Variants in LRRC4C observed in about 807,000 individuals in gnomAD.
The protein encoded by LRRC4C is leucine rich repeat containing 4C.
Under a neutral mutation model 33.6 loss-of-function variants are expected in LRRC4C, and 5 were observed. The ratio of observed to expected loss-of-function variants is 0.15; its 90% CI spans 0.08 to 0.31. The LOEUF (loss-of-function observed/expected upper bound fraction) is 0.31, where lower values mean the gene tolerates loss of function less well. Among genes scored for constraint, LRRC4C ranks in the 10% least tolerant of loss-of-function variants. The pLI is 1.00. For synonymous variants in LRRC4C, 329 were observed against 302.0 expected, an observed-to-expected ratio of 1.09 and a Z score of -0.93; for missense variants, 560 against 796.7, an observed-to-expected ratio of 0.70 and a Z score of 3.58.
At chr11:40,769,155 AC>A (rs1206581199) in intron 2 of LRRC4C, among the ~76,000 whole-genome samples, 1 of 149,558 alleles carries the variant, frequency 6.7e-6, no homozygotes, top group African/African-American at 2.4e-5. Context: ...AAATCAACAT[AC>A]AAAGTGAGTA....
chr11:40,400,876 C>T (rs1238484780), intron 3 of LRRC4C, among the ~76,000 whole-genome samples: 1 of 152,044 alleles, frequency 6.6e-6, no homozygotes, highest in Non-Finnish European at 1.5e-5. Context: ...TTTCTCTATC[C>T]CACACTATAT....
At chr11:40,996,867 A>C (rs1228468917) in intron 1 of LRRC4C, among the ~76,000 whole-genome samples, 3 of 152,112 alleles carry the variant, frequency 2.0e-5, no homozygotes, top group African/African-American at 7.2e-5. Context: ...TGAGTACAGC[A>C]CCAAACTATT....
intron 3 of LRRC4C, among the ~76,000 whole-genome samples, chr11:40,412,034 CT>C (rs1325359074): frequency 1.3e-5 from 2 of 151,742 alleles, no homozygotes; most frequent in African/African-American, 4.8e-5. Context: ...TAACATACAG[CT>C]TTTTTTGGGG....
At chr11:41,304,089 T>G (rs1277680095) in intron 1 of LRRC4C, among the ~76,000 whole-genome samples, 17 of 48,394 alleles carry the variant, frequency 3.5e-4, no homozygotes, top group Admixed American at 6.2e-4. Context: ...GTCCGGGAGG[T>G]GAGGGGCGCC....
intron 1 of LRRC4C, among the ~76,000 whole-genome samples, chr11:41,091,804 G>A (rs571080895): frequency 9.2e-5 from 14 of 152,236 alleles, no homozygotes; most frequent in African/African-American, 3.1e-4. Context: ...TGGCTGGCGT[G>A]TAATTTAAGT....
rs77683172 is a variant in LRRC4C at position 40,495,813 on chromosome 11, G to GTTTTTTTTTTTTTTTTTT, written c.-270+152311_-270+152328dup. 4.0e-4 allele frequency among the ~76,000 whole-genome samples: 27 copies of GTTTTTTTTTTTTTTTTTT among 67,012 alleles called. 7 individuals carry two copies. Among genetic ancestry groups the GTTTTTTTTTTTTTTTTTT allele is most frequent in the African/African-American group, 9.5e-4 (15 of 15,812 alleles). The allele number at this position is 67,012 out of a possible 152,430, so 44.0% of individuals were successfully genotyped here. A position where few individuals can be genotyped will look rare whatever the true frequency, so the allele number is the denominator to read the frequency against. ...TTTTATTGAAGTTCTCAATAAACAT[G>GTTTTTTTTTTTTTTTTTT]TTTTTTTTTTTTTTTTTTTTTTTTT... On this transcript the variant is annotated intron_variant, in intron 3 of 6. Transcript: ENST00000528697.
At chr11:41,373,936 A>C (rs573073983) in intron 1 of LRRC4C, among the ~76,000 whole-genome samples, 1 of 152,344 alleles carries the variant, frequency 6.6e-6, no homozygotes, top group Non-Finnish European at 1.5e-5. Context: ...TTGTTTAAAA[A>C]ATAAAGTTGG....
chr11:41,304,131 A>G (rs1418289377), intron 1 of LRRC4C, among the ~76,000 whole-genome samples: 1 of 74,800 alleles, frequency 1.3e-5, no homozygotes, highest in Non-Finnish European at 3.3e-5. Flanking sequence ...GGAAGTGAGG[A>G]GCCCCTCAGC....
intron 2 of LRRC4C, among the ~76,000 whole-genome samples, chr11:40,840,057 T>C (rs1388870464): frequency 6.6e-6 from 1 of 152,166 alleles, no homozygotes; most frequent in Non-Finnish European, 1.5e-5. Flanking sequence ...AGAAACTAAC[T>C]TGAATTTCCA....
intron 1 of LRRC4C, among the ~76,000 whole-genome samples, chr11:41,098,334 T>C (rs183309143): frequency 9.9e-5 from 15 of 152,264 alleles, no homozygotes; most frequent in Admixed American, 2.0e-4. Flanking sequence ...AGATATCTCA[T>C]ATCCCTCCAG....
rs1373885046 is a variant in LRRC4C at position 40,535,759 on chromosome 11, T to A, written c.-270+112383A>T. ...CAGACATGTGAAGAAGGTTAAAACA[T>A]AGTTCTCCTTAGTATAAATGATAAG... On this transcript the variant is annotated intron_variant, in intron 3 of 6. Transcript: ENST00000528697. Among the ~76,000 whole-genome samples the A allele has an allele frequency of 4.6e-5, 7 of 152,204 alleles. No homozygotes were observed. The East Asian group carries it at 7.7e-4, about 17-fold the overall frequency.
At chr11:40,251,963 A>T (rs548687394) in intron 4 of LRRC4C, among the ~76,000 whole-genome samples, 1 of 152,312 alleles carries the variant, frequency 6.6e-6, no homozygotes, top group South Asian at 2.1e-4. Context: ...AGCTGCATGC[A>T]TTTGGATTCT....
At chr11:41,226,543 T>A (rs562718259) in intron 1 of LRRC4C, among the ~76,000 whole-genome samples, 1 of 152,082 alleles carries the variant, frequency 6.6e-6, no homozygotes, top group African/African-American at 2.4e-5. Context: ...GTACTCAGAG[T>A]TCAACTTCTT....
At chr11:41,225,783 G>A (rs1239299426) in intron 1 of LRRC4C, among the ~76,000 whole-genome samples, 1 of 152,058 alleles carries the variant, frequency 6.6e-6, no homozygotes, top group Non-Finnish European at 1.5e-5. Context: ...AAACTTTTCT[G>A]TGTCTTAAGC....
At chr11:40,503,582 A>T (rs72899041) in intron 3 of LRRC4C, among the ~76,000 whole-genome samples, 1 of 152,188 alleles carries the variant, frequency 6.6e-6, no homozygotes, top group African/African-American at 2.4e-5. Context: ...CTTTCAATCT[A>T]TTTAAAGCTT....
chr11:40,567,625 C>T (rs140254767), intron 3 of LRRC4C, among the ~76,000 whole-genome samples: 3 of 152,202 alleles, frequency 2.0e-5, no homozygotes, highest in East Asian at 3.9e-4. Context: ...CTCTCCAGTC[C>T]CATGACTCTG....
intron 2 of LRRC4C, among the ~76,000 whole-genome samples, chr11:40,748,976 T>C (rs1413479737): frequency 1.3e-5 from 2 of 152,074 alleles, no homozygotes; most frequent in Non-Finnish European, 2.9e-5. Flanking sequence ...AGCACCCAGA[T>C]GTATAAAGCA....
At chr11:41,127,512 G>A (rs1002979005) in intron 1 of LRRC4C, among the ~76,000 whole-genome samples, 1 of 151,944 alleles carries the variant, frequency 6.6e-6, no homozygotes, top group African/African-American at 2.4e-5. Context: ...ATGGGCATAA[G>A]ATGACATGAG....
intron 3 of LRRC4C, among the ~76,000 whole-genome samples, chr11:40,448,591 T>C (rs1951746466): frequency 6.6e-6 from 1 of 152,226 alleles, no homozygotes; most frequent in South Asian, 2.1e-4. Flanking sequence ...CATCCTTTTT[T>C]ACAGCTGCAT....
Sources: allele counts gnomAD v4.1 joint callset (sites outside exome capture counted in the v4.1 genomes callset), GRCh38; gene constraint gnomAD v4.1.1; transcripts MANE v1.5; gene names NCBI Gene and HGNC (gene_info 2026-07-23, HGNC 2026-07-21).